RUSC2: variants seen among roughly 807,000 people sequenced by gnomAD.
The protein encoded by RUSC2 is RUN and SH3 domain containing 2, also known as AP-4 complex accessory subunit RUSC2.
A neutral mutation model predicts 122.2 loss-of-function variants in RUSC2; 34 were observed. The observed-to-expected ratio is 0.28, with a 90% CI of 0.21 to 0.37. The LOEUF is 0.37. RUSC2 is among the 10% of genes least tolerant of loss of function. The pLI is 1.00. For synonymous variants in RUSC2, 784 were observed against 790.0 expected (o/e 0.99, Z 0.13); for missense variants, 1,747 against 1,952.4 (o/e 0.89, Z 1.98).
chr9:35,514,888 C>T (rs563651431), intron 1 of RUSC2, among the ~76,000 whole-genome samples: 13 of 152,260 alleles, frequency 8.5e-5, no homozygotes, highest in Middle Eastern at 3.4e-3. Flanking sequence ...AAGAAGGTTG[C>T]ACCCTGTTCA....
intron 1 of RUSC2, among the ~76,000 whole-genome samples, chr9:35,498,753 C>T (rs1339877807): frequency 6.9e-6 from 1 of 145,414 alleles, no homozygotes; most frequent in Non-Finnish European, 1.5e-5. Flanking sequence ...CCCAGCTACT[C>T]AGGAGGCTAA....
At chr9:35,496,710 A>C (rs1206831356) in intron 1 of RUSC2, among the ~76,000 whole-genome samples, 1 of 152,190 alleles carries the variant, frequency 6.6e-6, no homozygotes, top group Non-Finnish European at 1.5e-5. Context: ...AGAGATCTAC[A>C]TATCTTAGGC....
Position 35,560,397 on chromosome 9 carries a change from G to A in RUSC2, c.3757G>A (p.Ala1253Thr), listed in dbSNP as rs772408487. Residue 1253 changes from alanine (A) to threonine (T), a missense_variant, in exon 10 of 12, where the codon GCA becomes ACA. Transcript: ENST00000361226. The part of the protein sequence containing the change: ...EEEETEEVAE[A>T]AGGSGRARWA... ...AGAGGAGACAGAAGAGGTGGCAGAGGCAGCCGGGGGCTCAGGGCGTGCCAG... is the reference window on the plus strand; with the variant it reads ...AGAGGAGACAGAAGAGGTGGCAGAGACAGCCGGGGGCTCAGGGCGTGCCAG... 1.9e-6 allele frequency: 3 copies of A among 1,613,934 alleles called. No individual in the cohort carries two copies. Among genetic ancestry groups the A allele is most frequent in the Non-Finnish European group, 1.7e-6 (2 of 1,179,992 alleles).
Position 35,561,060 on chromosome 9 carries a change from G to C in RUSC2, c.4312G>C (p.Glu1438Gln). 1 of 1,614,152 alleles carries C rather than the reference G, an allele frequency of 6.2e-7. No individual in the cohort carries two copies. Among genetic ancestry groups the C allele is most frequent in the South Asian group, 1.1e-5 (1 of 91,074 alleles). Residue 1438 changes from glutamate (E) to glutamine (Q), a missense_variant, in exon 11 of 12, where the codon GAG (glutamate) becomes CAG (glutamine). Coordinates refer to ENST00000361226, the MANE Select transcript of RUSC2 (RefSeq NM_014806.5). ...REPEPKESLQ[E>Q]PHSPALPSSP... ...GCCAGAGCCCAAGGAGAGCCTGCAG[G>C]AGCCACACTCCCCAGCCCTGCCCTC...
chr9:35,541,061 C>T (rs774899158), intron 1 of RUSC2, among the ~76,000 whole-genome samples: 8 of 152,024 alleles, frequency 5.3e-5, no homozygotes, highest in Non-Finnish European at 1.2e-4. Flanking sequence ...AAGAGACACC[C>T]ATTTGGGACA....
At chr9:35,509,181 G>A (rs1368064339) in intron 1 of RUSC2, among the ~76,000 whole-genome samples, 1 of 152,108 alleles carries the variant, frequency 6.6e-6, no homozygotes, top group Non-Finnish European at 1.5e-5. Flanking sequence ...TTAAAAATTA[G>A]CCAAGTGTGA....
chr9:35,558,136 C>A lies in RUSC2; in HGVS notation c.3061-61C>A. The A allele has an allele frequency of 6.3e-7, 1 of 1,591,626 alleles. No homozygotes were observed. Among genetic ancestry groups the A allele is most frequent in the Non-Finnish European group, 8.6e-7 (1 of 1,165,958 alleles). On this transcript the variant is annotated intron_variant, in intron 6 of 11. Transcript: ENST00000361226. This position sits in a 1 kb window ranked among gnomAD's most constrained non-coding sequence, Gnocchi z 4.3. ...GCAAGAGGGGAACCATGAGGGCCTG[C>A]TACGAGAGGACCACAGTCAGGCCTG...
chr9:35,539,558 CACAT>C (rs1487720290), intron 1 of RUSC2, among the ~76,000 whole-genome samples: 2 of 120,336 alleles, frequency 1.7e-5, no homozygotes, highest in African/African-American at 2.8e-5. Flanking sequence ...TCCACACACA[CACAT>C]ACATACATAC....
rs780631890 is a variant in RUSC2 at position 35,555,709 on chromosome 9, C to T, written c.2656+8C>T. ...CCACCAGGCCCAGTAATGGTACGAG[C>T]TCCAGCATCTCCCTACCCAACCCGC... On this transcript the variant is annotated splice_region_variant and intron_variant, in intron 3 of 11. Coordinates refer to ENST00000361226, the MANE Select transcript of RUSC2 (RefSeq NM_014806.5). This position sits in a 1 kb window ranked among gnomAD's most constrained non-coding sequence, Gnocchi z 4.6. The T allele has an allele frequency of 7.6e-6, 12 of 1,576,168 alleles. No homozygotes were observed. The East Asian group carries it at 2.7e-4, about 35-fold the overall frequency.
intron 1 of RUSC2, among the ~76,000 whole-genome samples, chr9:35,502,097 G>A (rs539282877): frequency 2.0e-5 from 3 of 151,906 alleles, no homozygotes; most frequent in African/African-American, 4.8e-5. Context: ...AAAATCACCC[G>A]GATCACCCCT....
rs1278094030 is a variant in RUSC2, at chr9:35,560,353, GAGAAGAGGAAGAGGA to G, written c.3723_3737del (p.Glu1242_Glu1246del). 1 of 1,612,236 alleles carries G rather than the reference GAGAAGAGGAAGAGGA, an allele frequency of 6.2e-7. No homozygotes were observed. Among genetic ancestry groups the G allele is most frequent in the Non-Finnish European group, 8.5e-7 (1 of 1,179,052 alleles). On this transcript the variant is annotated inframe_deletion, in exon 10 of 12. Transcript: ENST00000361226. ...AAGGGTGTGGGTGCCTCAGAAGGTG[GAGAAGAGGAAGAGGA>G]AGAAGAGGAGACAGAAGAGGTGGCA...
At chr9:35,495,666 C>G (rs1820696341) in intron 1 of RUSC2, among the ~76,000 whole-genome samples, 1 of 152,000 alleles carries the variant, frequency 6.6e-6, no homozygotes, top group Non-Finnish European at 1.5e-5. Context: ...CCTTAAGATT[C>G]CATATGAATT....
intron 1 of RUSC2, among the ~76,000 whole-genome samples, chr9:35,524,895 C>A (rs559551416): frequency 6.6e-6 from 1 of 150,746 alleles, no homozygotes; most frequent in Non-Finnish European, 1.5e-5. Context: ...GGCGTGAACC[C>A]GGGAGGTGGA....
At chr9:35,534,472 TTTTA>T (rs1382327714) in intron 1 of RUSC2, among the ~76,000 whole-genome samples, 7 of 150,692 alleles carry the variant, frequency 4.6e-5, no homozygotes, top group Middle Eastern at 3.4e-3. Context: ...CTTTGCTCGT[TTTTA>T]TTTATTTACT....
intron 1 of RUSC2, among the ~76,000 whole-genome samples, chr9:35,499,633 T>C (rs564938571): frequency 6.6e-6 from 1 of 152,338 alleles, no homozygotes; most frequent in East Asian, 1.9e-4. Context: ...ATACTTAACT[T>C]GTTTATCTTA....
intron 1 of RUSC2, among the ~76,000 whole-genome samples, chr9:35,532,857 C>T (rs566531742): frequency 1.3e-5 from 2 of 152,138 alleles, no homozygotes; most frequent in South Asian, 2.1e-4. Context: ...CTGCTTCACA[C>T]ACTTCAAATG....
intron 2 of RUSC2, among the ~76,000 whole-genome samples, chr9:35,552,188 C>G (rs1821914004): frequency 6.6e-6 from 1 of 151,698 alleles, no homozygotes; most frequent in South Asian, 2.1e-4. Flanking sequence ...TGGAGAAACC[C>G]CATCTCTACT....
chr9:35,539,056 G>C (rs1821588960), intron 1 of RUSC2: 1 of 152,328 alleles, frequency 6.6e-6, no homozygotes, highest in Non-Finnish European at 1.5e-5. Flanking sequence ...AGCTTGGTCG[G>C]AGTGCAAAAG....
intron 1 of RUSC2, among the ~76,000 whole-genome samples, chr9:35,497,953 G>A (rs1490815414): frequency 6.6e-6 from 1 of 152,148 alleles, no homozygotes; most frequent in East Asian, 1.9e-4. Context: ...CAGGACAGTA[G>A]AACAACTTTG....
Sources: allele counts gnomAD v4.1 joint callset (sites outside exome capture counted in the v4.1 genomes callset), GRCh38; gene constraint gnomAD v4.1.1; non-coding constraint Gnocchi (gnomAD v3.1); transcripts MANE v1.5; gene names NCBI Gene and HGNC (gene_info 2026-07-23, HGNC 2026-07-21).